DACH2: variants seen among roughly 807,000 people sequenced by gnomAD.
DACH2 encodes dachshund family transcription factor 2, also known as dachshund homolog 2.
DACH2 carries 17 observed loss-of-function variants against 35.8 expected under a neutral mutation model. The ratio of observed to expected loss-of-function variants is 0.48; its 90% CI spans 0.33 to 0.71. The LOEUF (loss-of-function observed/expected upper bound fraction) is 0.71. DACH2 is among the 30% of genes least tolerant of loss of function. The pLI, the probability that DACH2 is intolerant of heterozygous loss-of-function variation, is 0.02. For missense variants in DACH2, 469 were observed against 472.7 expected (o/e 0.99, Z 0.07); for synonymous variants, 195 against 177.3 (o/e 1.10, Z -0.79).
intron 5 of DACH2, among the ~76,000 whole-genome samples, chrX:86,705,029 T>TATATATATATATATATATCTCAC (rs1491475987): frequency 1.3e-3 from 108 of 83,679 alleles, no homozygotes; most frequent in Middle Eastern, 0.012. Flanking sequence ...CAGAAATTGT[T>TATATATATATATATATATCTCAC]ATATATATAT....
chrX:86,186,479 T>C (rs1211397935), intron 1 of DACH2, among the ~76,000 whole-genome samples: 1 of 112,226 alleles, frequency 8.9e-6, no homozygotes, highest in Non-Finnish European at 1.9e-5. Flanking sequence ...ATAGAATCAT[T>C]GAGCCTACCA....
chrX:86,481,454 G>A (rs890548422), intron 2 of DACH2: 4 of 111,637 alleles, frequency 3.6e-5, no homozygotes, highest in Non-Finnish European at 5.6e-5. Context: ...CATCTTCTCC[G>A]TAAGTAAATA....
intron 2 of DACH2, among the ~76,000 whole-genome samples, chrX:86,398,522 C>T (rs1159931189): frequency 2.7e-5 from 3 of 111,846 alleles, no homozygotes; most frequent in Non-Finnish European, 5.6e-5. Flanking sequence ...CTCCTGTGGG[C>T]ATTTAATGCT....
intron 2 of DACH2, among the ~76,000 whole-genome samples, chrX:86,470,157 C>T (rs183946820): frequency 1.8e-5 from 2 of 111,161 alleles, no homozygotes; most frequent in East Asian, 5.7e-4. Context: ...AAAGTCTTCA[C>T]GTGTAGGTCT....
rs149927300 is a variant in DACH2 at position 86,553,689 on chromosome X, G to T, written c.640+39298G>T. Among the ~76,000 whole-genome samples the T allele has an allele frequency of 9.5e-3, 1,060 of 111,879 alleles. 18 individuals carry two copies. Among genetic ancestry groups the T allele is most frequent in the African/African-American group, 0.033 (1,014 of 30,806 alleles). On this transcript the variant is annotated intron_variant, in intron 3 of 11. Coordinates refer to ENST00000373125, the MANE Select transcript of DACH2 (RefSeq NM_053281.3). ...GTAGGTAGGAAAGTTTTGTATGTAT[G>T]TAGATATGTTTAGAAATCAAATGAA...
In DACH2 at chrX:86,346,165, C is replaced by G. The variant is rs534940611; in HGVS notation, c.489-30659C>G. ...TTGCCGTGATGGTAAAACATATTTA[C>G]TTGAGTACTAGTACACAGTGCACAA... On this transcript the variant is annotated intron_variant, in intron 1 of 11. Coordinates refer to ENST00000373125, the MANE Select transcript of DACH2 (RefSeq NM_053281.3). Among the ~76,000 whole-genome samples, 6 of 111,447 alleles carry G rather than the reference C, an allele frequency of 5.4e-5. No individual in the cohort carries two copies. The South Asian group carries it at 1.9e-3, about 35-fold the overall frequency.
intron 3 of DACH2, among the ~76,000 whole-genome samples, chrX:86,519,494 C>T (rs62594976): frequency 4.5e-5 from 5 of 110,609 alleles, no homozygotes; most frequent in African/African-American, 1.3e-4. Context: ...TTATACATCT[C>T]GTAAAATTTA....
chrX:86,826,076 A>C (rs956486642), intron 11 of DACH2, among the ~76,000 whole-genome samples: 2 of 111,465 alleles, frequency 1.8e-5, no homozygotes, highest in Non-Finnish European at 3.8e-5. Context: ...TTTCAGTAGG[A>C]GGGAACTATT....
At chrX:86,712,904 C>G (rs896706798) in intron 5 of DACH2, among the ~76,000 whole-genome samples, 1 of 111,170 alleles carries the variant, frequency 9.0e-6, no homozygotes, top group South Asian at 3.7e-4. Flanking sequence ...CTGAGTTCCA[C>G]GCAGAATTTA....
chrX:86,519,645 T>G (rs976044174), intron 3 of DACH2, among the ~76,000 whole-genome samples: 2 of 111,384 alleles, frequency 1.8e-5, no homozygotes, highest in Non-Finnish European at 3.8e-5. Context: ...GTCCAGGAAT[T>G]TATCCATCTC....
intron 1 of DACH2, chrX:86,160,513 T>A: frequency 1.9e-6 from 1 of 532,346 alleles, no homozygotes; most frequent in Admixed American, 2.3e-5. Context: ...CAAACTTGCA[T>A]GCAGTGTGAG....
chrX:86,204,154 A>G (rs143730970), intron 1 of DACH2, among the ~76,000 whole-genome samples: 3,681 of 111,897 alleles, frequency 0.033, 145 homozygotes, highest in African/African-American at 0.11. Flanking sequence ...GAAAGTCAGA[A>G]TGCATATCTT....
At chrX:86,414,362 G>T (rs1188878507) in intron 2 of DACH2, among the ~76,000 whole-genome samples, 1 of 111,562 alleles carries the variant, frequency 9.0e-6, no homozygotes, top group Admixed American at 9.5e-5. Flanking sequence ...TTTCCACTTT[G>T]CCTCTGCTGT....
intron 2 of DACH2, among the ~76,000 whole-genome samples, chrX:86,457,912 A>G (rs2037503989): frequency 8.9e-6 from 1 of 111,811 alleles, no homozygotes; most frequent in Admixed American, 9.5e-5. Flanking sequence ...ACTCATGTGT[A>G]TTTGCTTGGG....
At chrX:86,394,875 C>T (rs2036257892) in intron 2 of DACH2, among the ~76,000 whole-genome samples, 1 of 111,800 alleles carries the variant, frequency 8.9e-6, no homozygotes. Flanking sequence ...ATGAGACATT[C>T]TTACTTGTCT....
At chrX:86,381,714 A>G (rs1273180129) in intron 2 of DACH2, among the ~76,000 whole-genome samples, 1 of 110,977 alleles carries the variant, frequency 9.0e-6, no homozygotes, top group African/African-American at 3.3e-5. Context: ...TGCATAAAAC[A>G]TAAGGAGAAA....
chrX:86,518,966 C>T (rs1346001876), intron 3 of DACH2, among the ~76,000 whole-genome samples: 5 of 112,188 alleles, frequency 4.5e-5, no homozygotes, highest in Non-Finnish European at 9.4e-5. Flanking sequence ...GCATCCTTAT[C>T]TTGTTACCGT....
Position 86,507,339 on chromosome X carries a change from A to AGG in DACH2, c.528-6939_528-6938dup, listed in dbSNP as rs2038337791. On this transcript the variant is annotated intron_variant, in intron 2 of 11. Transcript: ENST00000373125. ...GATTATTGATGAGACTTCATTTATC[A>AGG]GGCATGGAAAACATTATTTTGGCTA... Among the ~76,000 whole-genome samples, 4 of 111,111 alleles carry AGG rather than the reference A, an allele frequency of 3.6e-5. No homozygotes were observed. The Admixed American group carries it at 3.9e-4, about 11-fold the overall frequency.
intron 2 of DACH2, among the ~76,000 whole-genome samples, chrX:86,484,358 T>C (rs2037988226): frequency 9.0e-6 from 1 of 111,416 alleles, no homozygotes; most frequent in South Asian, 3.7e-4. Context: ...ATGGCACAAG[T>C]GGTATGGTTT....
Sources: gnomAD v4.1 joint callset for allele counts (sites outside exome capture counted in the v4.1 genomes callset) on GRCh38, gnomAD v4.1.1 for gene constraint, MANE v1.5 for transcripts, NCBI Gene and HGNC (gene_info 2026-07-23, HGNC 2026-07-21) for gene names.